SLC9A6: variants seen among roughly 807,000 people sequenced by gnomAD.
SLC9A6 encodes the protein sodium/hydrogen exchanger 6.
A neutral mutation model predicts 45.3 loss-of-function variants in SLC9A6; 6 were observed. That is an observed-to-expected ratio of 0.13 (90% CI 0.07 to 0.26). The LOEUF (loss-of-function observed/expected upper bound fraction) is 0.26, where lower values mean the gene tolerates loss of function less well. Ranked by LOEUF, SLC9A6 falls within the 10% of genes least tolerant of loss-of-function variation. The pLI, the probability that SLC9A6 is intolerant of heterozygous loss-of-function variation, is 1.00. For missense variants in SLC9A6, 278 were observed against 503.7 expected (o/e 0.55, Z 4.29); for synonymous variants, 191 against 187.7 (o/e 1.02, Z -0.14).
exon 1 of SLC9A6, chrX:135,974,647 T>C (rs1277210587): frequency 2.9e-6 from 1 of 339,439 alleles, no homozygotes; most frequent in Non-Finnish European, 5.9e-6. Flanking sequence ...GCCTTTCCTG[T>C]GCTTCAGCTC....
rs1168156596 is a variant in SLC9A6, at chrX:136,046,799, C to A, written c.*2075C>A. On this transcript the variant is annotated 3_prime_UTR_variant, in exon 18 of 18. Coordinates refer to ENST00000630721, the MANE Select transcript of SLC9A6 (RefSeq NM_001379110.1). The stretch of plus-strand genomic sequence containing the variant: ...CCAAGCAAGGAAGAAAAAACAAACT[C>A]TGCTCAGACGCCTATGAAACACCTG... The A allele has an allele frequency of 1.8e-5, 2 of 112,502 alleles. No homozygotes were observed. The highest frequency in any genetic ancestry group is 3.8e-5 in the Non-Finnish European group (2 of 53,285). 9.3% of individuals were successfully genotyped at this position (112,502 alleles called of 1,213,427 possible).
In SLC9A6 at chrX:135,998,205, A is replaced by C. The variant is rs2089532535; in HGVS notation, c.447+20A>C. On this transcript the variant is annotated intron_variant, in intron 4 of 17. Transcript: ENST00000630721. ...AAAAGGGTAAGTCCTTTTGTCTTTC[A>C]TATACTTTGAATAATCTTAAACTCA... 7 of 938,059 alleles carry C rather than the reference A, an allele frequency of 7.5e-6. No individual in the cohort carries two copies. Among genetic ancestry groups the C allele is most frequent in the Non-Finnish European group, 1.1e-5 (7 of 646,234 alleles). 77.3% of individuals were successfully genotyped at this position (938,059 alleles called of 1,213,427 possible).
intron 11 of SLC9A6, among the ~76,000 whole-genome samples, chrX:136,021,151 T>C (rs782071244): frequency 7.2e-5 from 8 of 111,361 alleles, no homozygotes; most frequent in Non-Finnish European, 1.3e-4. Context: ...TGTAGATATA[T>C]ATACTAACTC....
rs1278233302 is a variant in SLC9A6, at chrX:135,985,494, G to C, written c.-57+17G>C. 23 of 1,085,623 alleles carry C rather than the reference G, an allele frequency of 2.1e-5. No homozygotes were observed. The East Asian group carries it at 7.6e-4, about 36-fold the overall frequency. The allele number at this position is 1,085,623 out of a possible 1,213,427, so 89.5% of individuals were successfully genotyped here. On this transcript the variant is annotated intron_variant, in intron 1 of 17. Coordinates refer to ENST00000630721, the MANE Select transcript of SLC9A6 (RefSeq NM_001379110.1). Reference sequence around the variant, plus strand: ...GCCGGTGAGGTAGGGGCGGGAGGCGGGGGGAGACATGGCTCGGCGCGGCTG... The same window carrying C: ...GCCGGTGAGGTAGGGGCGGGAGGCGCGGGGAGACATGGCTCGGCGCGGCTG...
chrX:135,985,042 C>A (rs782554926), upstream of SLC9A6: 3 of 112,143 alleles, frequency 2.7e-5, no homozygotes, highest in Non-Finnish European at 5.4e-5. Context: ...AAGGAGAATC[C>A]GATTTAAATT....
intron 2 of SLC9A6, among the ~76,000 whole-genome samples, chrX:135,992,557 A>G (rs938211083): frequency 6.3e-5 from 7 of 111,872 alleles, no homozygotes; most frequent in Non-Finnish European, 1.3e-4. Context: ...TAAGCCAGCC[A>G]TACTAAACTA....
chrX:136,019,454 T>G (rs1424812096), intron 11 of SLC9A6, among the ~76,000 whole-genome samples: 2 of 112,041 alleles, frequency 1.8e-5, no homozygotes, highest in Non-Finnish European at 3.8e-5. Flanking sequence ...TTATATACTT[T>G]ATCTGGGTGG....
At chrX:136,031,946 G>A (rs1004471653) in intron 15 of SLC9A6, among the ~76,000 whole-genome samples, 1 of 112,326 alleles carries the variant, frequency 8.9e-6, no homozygotes, top group Non-Finnish European at 1.9e-5. Flanking sequence ...TTATATATAA[G>A]TTGATACATG....
intron 1 of SLC9A6, among the ~76,000 whole-genome samples, chrX:135,978,009 C>T (rs1234609247): frequency 1.8e-5 from 2 of 112,267 alleles, no homozygotes; most frequent in Non-Finnish European, 3.8e-5. Context: ...GTTTTCTCAT[C>T]TGTGAAATGA....
chrX:136,013,512 A>G (rs1298241167), intron 10 of SLC9A6, 75 bp downstream of exon 10: 1 of 728,979 alleles, frequency 1.4e-6, no homozygotes, highest in Non-Finnish European at 2.1e-6. Flanking sequence ...TACTAAAAAA[A>G]AAAAATAGTC....
In SLC9A6 at chrX:135,999,959, T is replaced by G. The variant is rs139244124; in HGVS notation, c.637+991T>G. Among the ~76,000 whole-genome samples, 785 of 110,469 alleles carry G rather than the reference T, an allele frequency of 7.1e-3. 7 individuals are homozygous for G. Among genetic ancestry groups the G allele is most frequent in the African/African-American group, 0.025 (753 of 30,396 alleles). On this transcript the variant is annotated intron_variant, in intron 6 of 17. Transcript: ENST00000630721. ...AATGTGTTCAATACTCTATGAGAGA[T>G]ATTTTGGCTGGACACAGTGGCTCAT...
intron 2 of SLC9A6, among the ~76,000 whole-genome samples, chrX:135,989,040 C>T (rs782688626): frequency 9.0e-6 from 1 of 111,270 alleles, no homozygotes; most frequent in Non-Finnish European, 1.9e-5. Flanking sequence ...TTCAGCATGA[C>T]TCTGGGGTCA....
At chrX:136,026,638 C>T (rs1268256524) in intron 13 of SLC9A6, among the ~76,000 whole-genome samples, 1 of 110,219 alleles carries the variant, frequency 9.1e-6, no homozygotes, top group African/African-American at 3.3e-5. Flanking sequence ...CAGGTTCAAG[C>T]AATTCTCCTG....
chrX:135,988,612 T>A (rs1315822425), intron 2 of SLC9A6, among the ~76,000 whole-genome samples: 3 of 108,533 alleles, frequency 2.8e-5, no homozygotes, highest in Admixed American at 1.0e-4. Flanking sequence ...TTCCTTTTTT[T>A]ATTTTTGATA....
chrX:135,983,429 G>A (rs2089295834), upstream of SLC9A6: 1 of 110,208 alleles, frequency 9.1e-6, no homozygotes, highest in Non-Finnish European at 1.9e-5. Context: ...TGGAAAGGGA[G>A]GGAAGTAGCA....
intron 11 of SLC9A6, among the ~76,000 whole-genome samples, chrX:136,019,877 C>G (rs1382443729): frequency 8.9e-6 from 1 of 112,121 alleles, no homozygotes; most frequent in Non-Finnish European, 1.9e-5. Context: ...CCCTTAGGCT[C>G]TGCCTGACTG....
intron 2 of SLC9A6, among the ~76,000 whole-genome samples, chrX:135,993,562 G>T (rs1556616043): frequency 9.0e-6 from 1 of 111,665 alleles, no homozygotes; most frequent in Non-Finnish European, 1.9e-5. Context: ...GAGGTGGATG[G>T]ATTACAAGGT....
intron 8 of SLC9A6, 30 bp downstream of exon 8, chrX:136,010,613 G>T (rs374975410): frequency 2.6e-6 from 3 of 1,166,873 alleles, no homozygotes; most frequent in Non-Finnish European, 3.5e-6. Flanking sequence ...ATCTTTTCTT[G>T]TTAACATAAT....
intron 13 of SLC9A6, among the ~76,000 whole-genome samples, chrX:136,025,180 C>T (rs1487459556): frequency 8.9e-6 from 1 of 112,420 alleles, no homozygotes; most frequent in Non-Finnish European, 1.9e-5. Context: ...TTTAACCTAA[C>T]AATCCAAAGC....
Sources: gnomAD v4.1 joint callset for allele counts (sites outside exome capture counted in the v4.1 genomes callset) on GRCh38, gnomAD v4.1.1 for gene constraint, MANE v1.5 for transcripts, NCBI Gene and HGNC (gene_info 2026-07-23, HGNC 2026-07-21) for gene names.